The following NDRG3 variants were observed in gnomAD, a reference collection of about 807,000 sequenced individuals.
NDRG3 encodes the protein NDRG family member 3.
A neutral mutation model predicts 57.2 loss-of-function variants in NDRG3; 23 were observed. The ratio of observed to expected loss-of-function variants is 0.40; its 90% CI spans 0.29 to 0.57. NDRG3 has a LOEUF of 0.57. Ranked by LOEUF, NDRG3 falls within the 20% of genes least tolerant of loss-of-function variation. NDRG3 has a pLI of 0.42. For missense variants in NDRG3, 384 were observed against 457.3 expected (o/e 0.84, Z 1.46); for synonymous variants, 132 against 162.6 (o/e 0.81, Z 1.43).
Position 36,687,025 on chromosome 20 carries a change from A to T in NDRG3, c.320+467T>A, listed in dbSNP as rs566249665. On this transcript the variant is annotated intron_variant, in intron 5 of 15. Coordinates refer to ENST00000349004, the MANE Select transcript of NDRG3 (RefSeq NM_032013.4). ...GAACACCACCATGCCTGGCTGGCTA[A>T]TTTTTCAATTTTTTGTAGAGACAAG... Among the ~76,000 whole-genome samples, 6 of 152,014 alleles carry T rather than the reference A, an allele frequency of 3.9e-5. No individual in the cohort carries two copies. The East Asian group carries it at 1.2e-3, about 29-fold the overall frequency.
chr20:36,717,336 C>A (rs1178610470), intron 2 of NDRG3, among the ~76,000 whole-genome samples: 1 of 152,228 alleles, frequency 6.6e-6, no homozygotes, highest in African/African-American at 2.4e-5. Context: ...AAGGTTGGTT[C>A]TAGTCTTCCT....
chr20:36,698,588 A>T (rs1452413659), intron 3 of NDRG3, among the ~76,000 whole-genome samples: 1 of 151,918 alleles, frequency 6.6e-6, no homozygotes, highest in Non-Finnish European at 1.5e-5. Context: ...AAAAAAAAAA[A>T]TCCAATTTAT....
At chr20:36,720,436 G>A (rs1984525183) in intron 2 of NDRG3, among the ~76,000 whole-genome samples, 1 of 152,108 alleles carries the variant, frequency 6.6e-6, no homozygotes, top group Non-Finnish European at 1.5e-5. Flanking sequence ...GCCTCCCAAA[G>A]TGCTGGGATT....
At chr20:36,720,793 C>CA (rs1372187721) in intron 2 of NDRG3, among the ~76,000 whole-genome samples, 1 of 146,602 alleles carries the variant, frequency 6.8e-6, no homozygotes. Flanking sequence ...TTTTTTGAGA[C>CA]AGAGTCTCAC....
intron 3 of NDRG3, among the ~76,000 whole-genome samples, chr20:36,704,428 C>A (rs1600928569): frequency 6.6e-6 from 1 of 152,134 alleles, no homozygotes; most frequent in African/African-American, 2.4e-5. Context: ...AAAATTAATA[C>A]TTCTACACTT....
At position 36,666,415 on chromosome 20, in the gene NDRG3, T is replaced by A. The variant is rs372378442; in HGVS notation, c.589-23A>T. ...TTCCTAGAACAATTGAAAGAAGACA[T>A]GGGTAAGCTTCTGAGCTCCAGAATA... On this transcript the variant is annotated intron_variant, in intron 9 of 15. Transcript: ENST00000349004. 3.8e-5 allele frequency: 58 copies of A among 1,540,998 alleles called. No individual in the cohort carries two copies. The African/African-American group carries it at 7.8e-4, about 21-fold the overall frequency.
chr20:36,715,002 GTGTGTATATATA>G (rs1272239900), intron 2 of NDRG3, among the ~76,000 whole-genome samples: 128 of 39,554 alleles, frequency 3.2e-3, no homozygotes, highest in East Asian at 0.012. Context: ...GTGTGTGTGT[GTGTGTATATATA>G]TATATATATA....
intron 1 of NDRG3, among the ~76,000 whole-genome samples, chr20:36,744,716 G>A (rs187099420): frequency 6.6e-6 from 1 of 152,160 alleles, no homozygotes; most frequent in Admixed American, 6.5e-5. Context: ...ATCATGGGAG[G>A]CTTCTTAAAT....
At chr20:36,710,278 C>A (rs752237634) in intron 2 of NDRG3, among the ~76,000 whole-genome samples, 1 of 152,056 alleles carries the variant, frequency 6.6e-6, no homozygotes, top group African/African-American at 2.4e-5. Flanking sequence ...GAGCCGAGAT[C>A]GCACCACTGC....
intron 3 of NDRG3, among the ~76,000 whole-genome samples, chr20:36,699,459 C>T (rs77955657): frequency 0.024 from 3,694 of 152,222 alleles, 60 homozygotes; most frequent in Middle Eastern, 0.051. Flanking sequence ...AGTGACACTA[C>T]AGGCAAATCC....
chr20:36,662,074 G>A (rs567889226), intron 12 of NDRG3, among the ~76,000 whole-genome samples: 6 of 152,114 alleles, frequency 3.9e-5, no homozygotes, highest in Non-Finnish European at 8.8e-5. Context: ...GAACATAGTA[G>A]ATAGACTATA....
At chr20:36,720,263 T>TC (rs2148195147) in intron 2 of NDRG3, among the ~76,000 whole-genome samples, 1 of 151,716 alleles carries the variant, frequency 6.6e-6, no homozygotes, top group South Asian at 2.1e-4. Context: ...TCCTCTGCCT[T>TC]CCGGGTTCAA....
In NDRG3 at chr20:36,707,024, G is replaced by T; in HGVS notation, c.58-17C>A. 6.2e-7 allele frequency: 1 copy of T among 1,612,848 alleles called. No individual in the cohort carries two copies. Among genetic ancestry groups the T allele is most frequent in the East Asian group, 2.2e-5 (1 of 44,854 alleles). On this transcript the variant is annotated splice_polypyrimidine_tract_variant and intron_variant, in intron 2 of 15. Transcript: ENST00000349004. Reference sequence around the variant, plus strand: ...TGTACCATTCTGTCAACAGAAGACAGAAAACACAGTCAGTTTCCCCACATG... The same window carrying T: ...TGTACCATTCTGTCAACAGAAGACATAAAACACAGTCAGTTTCCCCACATG...
rs559558033 is a variant in NDRG3, at chr20:36,733,839, G to A, written c.-48-12056C>T. ...TTAGAAAGCCACAGGAAGTGGCCACGGGACTGGCTGGGAAGGCAGTCAGCA... is the reference window on the plus strand; with the variant it reads ...TTAGAAAGCCACAGGAAGTGGCCACAGGACTGGCTGGGAAGGCAGTCAGCA... On this transcript the variant is annotated intron_variant, in intron 1 of 15. Transcript: ENST00000349004. Among the ~76,000 whole-genome samples the A allele has an allele frequency of 7.2e-5, 11 of 152,288 alleles. No homozygotes were observed. The South Asian group carries it at 1.0e-3, about 14-fold the overall frequency.
At chr20:36,694,765 A>T (rs979974783) in intron 3 of NDRG3, among the ~76,000 whole-genome samples, 1 of 151,634 alleles carries the variant, frequency 6.6e-6, no homozygotes, top group African/African-American at 2.4e-5. Context: ...TTATTTATTT[A>T]TTTATTTTTT....
At chr20:36,684,554 A>C (rs1981615902) in intron 5 of NDRG3, 79 bp from the exon 6 acceptor site, 1 of 1,299,574 alleles carries the variant, frequency 7.7e-7, no homozygotes, top group African/African-American at 1.5e-5. Flanking sequence ...AAGGTCCAGA[A>C]GTCTTAGATA....
intron 1 of NDRG3, among the ~76,000 whole-genome samples, chr20:36,728,499 T>C (rs1985081750): frequency 1.3e-5 from 2 of 152,114 alleles, no homozygotes; most frequent in Non-Finnish European, 2.9e-5. Context: ...GATGGATGGA[T>C]GGGTGGATGG....
intron 7 of NDRG3, among the ~76,000 whole-genome samples, chr20:36,681,142 A>G (rs181200908): frequency 1.3e-5 from 2 of 152,360 alleles, no homozygotes; most frequent in African/African-American, 4.8e-5. Flanking sequence ...CTTGTCTTGC[A>G]AAGATCTATA....
chr20:36,695,531 G>C (rs145942460), intron 3 of NDRG3, among the ~76,000 whole-genome samples: 1 of 152,138 alleles, frequency 6.6e-6, no homozygotes, highest in African/African-American at 2.4e-5. Flanking sequence ...GGACGGAGGG[G>C]GATCTCTAAA....
Sources: allele counts gnomAD v4.1 joint callset (sites outside exome capture counted in the v4.1 genomes callset), GRCh38; gene constraint gnomAD v4.1.1; transcripts MANE v1.5; gene names NCBI Gene and HGNC (gene_info 2026-07-23, HGNC 2026-07-21).